Variants in MTTP observed in about 807,000 individuals in gnomAD.
MTTP encodes microsomal triglyceride transfer protein, also known as microsomal triglyceride transfer protein large subunit.
A neutral mutation model predicts 90.6 loss-of-function variants in MTTP; 49 were observed. That is an observed-to-expected ratio of 0.54 (90% CI 0.43 to 0.69). MTTP has a LOEUF of 0.69. MTTP is among the 30% of genes least tolerant of loss of function. The probability of loss-of-function intolerance (pLI) is 0.00; values close to 1 mark genes in which losing one functional copy is unlikely to be tolerated. For synonymous variants in MTTP, 347 were observed against 384.2 expected (o/e 0.90, Z 1.13); for missense variants, 945 against 1,067.5 (o/e 0.89, Z 1.60).
chr4:99,608,683 A>C, intron 11 of MTTP, 83 bp from the exon 12 acceptor site: 1 of 1,075,728 alleles, frequency 9.3e-7, no homozygotes, highest in Non-Finnish European at 1.4e-6. Flanking sequence ...ATTTTTATGA[A>C]CACTCACTAT....
chr4:99,593,520 A>C (rs1382771064), intron 6 of MTTP, among the ~76,000 whole-genome samples: 3 of 152,216 alleles, frequency 2.0e-5, no homozygotes, highest in Non-Finnish European at 4.4e-5. Context: ...TCTGGACAGA[A>C]TTGTTCTAAC....
chr4:99,571,592 T>C (rs966851645), upstream of MTTP, among the ~76,000 whole-genome samples: 35 of 151,902 alleles, frequency 2.3e-4, no homozygotes, highest in Non-Finnish European at 1.9e-4. Flanking sequence ...TTTGGAAAAA[T>C]GAATGTTCTT....
At chr4:99,582,950 T>C (rs1725156130) in intron 2 of MTTP, among the ~76,000 whole-genome samples, 2 of 152,178 alleles carry the variant, frequency 1.3e-5, no homozygotes, top group South Asian at 4.1e-4. Flanking sequence ...CAGAAAACAT[T>C]ATATTCCTCC....
chr4:99,574,688 A>T (rs995500301), upstream of MTTP: 2 of 988,962 alleles, frequency 2.0e-6, no homozygotes, highest in African/African-American at 3.2e-5. Flanking sequence ...AAAGAGTGAG[A>T]GACTGAAAAC....
intron 1 of MTTP, among the ~76,000 whole-genome samples, chr4:99,565,315 T>A (rs1344370149): frequency 6.6e-6 from 1 of 152,182 alleles, no homozygotes; most frequent in East Asian, 1.9e-4. Flanking sequence ...AAAAACCACT[T>A]CATATTCTAA....
intron 17 of MTTP, 37 bp from the exon 18 acceptor site, chr4:99,622,640 T>C (rs1336402625): frequency 1.9e-6 from 3 of 1,608,314 alleles, no homozygotes; most frequent in Non-Finnish European, 2.6e-6. Context: ...GACTTAACTG[T>C]GTGTGTAATT....
chr4:99,580,772 GACC>G (rs1725090624), intron 1 of MTTP, among the ~76,000 whole-genome samples: 1 of 151,932 alleles, frequency 6.6e-6, no homozygotes, highest in Non-Finnish European at 1.5e-5. Context: ...ATGGATTTTT[GACC>G]ACCATTTCCT....
At chr4:99,573,435 A>C (rs1195580969), upstream of MTTP, among the ~76,000 whole-genome samples, 1 of 152,158 alleles carries the variant, frequency 6.6e-6, no homozygotes, top group Non-Finnish European at 1.5e-5. Context: ...TAACTCCCGG[A>C]AAACTTCGTA....
intron 6 of MTTP, 138 bp from the exon 7 acceptor site, chr4:99,594,595 G>C: frequency 1.1e-6 from 1 of 920,646 alleles, no homozygotes; most frequent in Non-Finnish European, 1.7e-6. Flanking sequence ...GTTACCTCTG[G>C]AGATATCACA....
At position 99,606,898 on chromosome 4, in the gene MTTP, C is replaced by A; in HGVS notation, c.1495C>A (p.Pro499Thr). Reference protein sequence around the residue: ...LLKYAEAGEGPISHLATTALQ... With the variant: ...LLKYAEAGEGTISHLATTALQ... Reference sequence around the variant, plus strand: ...GAAGTATGCAGAAGCAGGAGAAGGGCCCATCAGCCACCTGGCTACCACTGC... The same window carrying A: ...GAAGTATGCAGAAGCAGGAGAAGGGACCATCAGCCACCTGGCTACCACTGC... The change falls in exon 11 of 18, where the codon CCC (proline) becomes ACC (threonine). Residue 499 changes from proline (P) to threonine (T), a missense_variant. Physicochemically the swap from Pro to Thr is conservative, Grantham distance 38. Coordinates refer to ENST00000265517, the MANE Select transcript of MTTP (RefSeq NM_001386140.1). 3.1e-6 allele frequency: 5 copies of A among 1,613,942 alleles called. No individual in the cohort carries two copies. The highest frequency in any genetic ancestry group is 4.2e-6 in the Non-Finnish European group (5 of 1,179,956).
chr4:99,580,035 CAAAAA>C (rs34092272), intron 1 of MTTP, among the ~76,000 whole-genome samples: 2 of 60,610 alleles, frequency 3.3e-5, no homozygotes, highest in Non-Finnish European at 6.5e-5. Context: ...GACCCTGTCT[CAAAAA>C]AAAAAAAAAA....
At chr4:99,607,662 A>G (rs1245221025) in intron 11 of MTTP, among the ~76,000 whole-genome samples, 1 of 152,248 alleles carries the variant, frequency 6.6e-6, no homozygotes, top group Non-Finnish European at 1.5e-5. Flanking sequence ...ATCCTTACAC[A>G]TTGAATATCA....
chr4:99,620,856 A>G (rs946827568), intron 16 of MTTP: 4 of 587,828 alleles, frequency 6.8e-6, no homozygotes, highest in Admixed American at 3.0e-5. Context: ...GGGGAAGGGC[A>G]AACCTTCCCT....
chr4:99,623,322 T>A lies in MTTP; in HGVS notation c.*474T>A, dbSNP rs960894922. 1 of 159,432 alleles carries A rather than the reference T, an allele frequency of 6.3e-6. No homozygotes were observed. Among genetic ancestry groups the A allele is most frequent in the African/African-American group, 2.4e-5 (1 of 41,074 alleles). 9.9% of individuals were successfully genotyped at this position (159,432 alleles called of 1,614,324 possible). A position where few individuals can be genotyped will look rare whatever the true frequency, so the allele number is the denominator to read the frequency against. ...AAAAAAGTAAGACACAAACAAACCATTTTTTTTCTCTTTTTTTGGAGTTGG... is the reference window on the plus strand; with the variant it reads ...AAAAAAGTAAGACACAAACAAACCAATTTTTTTCTCTTTTTTTGGAGTTGG... On this transcript the variant is annotated 3_prime_UTR_variant, in exon 18 of 18. Coordinates refer to ENST00000265517, the MANE Select transcript of MTTP (RefSeq NM_001386140.1).
chr4:99,577,605 C>CAAAAAAAAAAAAA (rs10605949), intron 1 of MTTP, among the ~76,000 whole-genome samples: 11 of 101,274 alleles, frequency 1.1e-4, no homozygotes, highest in Middle Eastern at 6.8e-3. Context: ...AACTCTGTTT[C>CAAAAAAAAAAAAA]AAAAAAAAAA....
intron 1 of MTTP, among the ~76,000 whole-genome samples, chr4:99,579,490 T>G (rs1463015528): frequency 6.6e-6 from 1 of 152,136 alleles, no homozygotes; most frequent in Non-Finnish European, 1.5e-5. Context: ...GGGGATGCCC[T>G]TCCCACAGAT....
At chr4:99,582,439 C>T (rs1725142992) in intron 2 of MTTP, among the ~76,000 whole-genome samples, 1 of 152,160 alleles carries the variant, frequency 6.6e-6, no homozygotes, top group South Asian at 2.1e-4. Flanking sequence ...ATTTAGACCA[C>T]TCTAACTCAA....
chr4:99,619,228 G>A (rs1578257475), intron 16 of MTTP, 130 bp downstream of exon 16: 3 of 905,512 alleles, frequency 3.3e-6, no homozygotes, highest in African/African-American at 1.7e-5. Context: ...ATTATAAAAC[G>A]ATAGAGTTGG....
chr4:99,596,863 C>T (rs950055120), intron 7 of MTTP, among the ~76,000 whole-genome samples: 1 of 152,068 alleles, frequency 6.6e-6, no homozygotes, highest in Non-Finnish European at 1.5e-5. Flanking sequence ...AAACAGTCCT[C>T]CTATAGAGGA....
Sources: gnomAD v4.1 joint callset for allele counts (sites outside exome capture counted in the v4.1 genomes callset) on GRCh38, gnomAD v4.1.1 for gene constraint, MANE v1.5 for transcripts, NCBI Gene and HGNC (gene_info 2026-07-23, HGNC 2026-07-21) for gene names.